Variants in TPH2 observed in about 807,000 individuals in gnomAD.
The protein encoded by TPH2 is tryptophan hydroxylase 2.
TPH2 carries 27 observed loss-of-function variants against 59.1 expected under a neutral mutation model. That is an observed-to-expected ratio of 0.46 (90% confidence interval 0.34 to 0.63). TPH2 has a LOEUF of 0.63. TPH2 is among the 30% of genes least tolerant of loss of function. TPH2 has a pLI of 0.01. For missense variants in TPH2, 523 were observed against 588.3 expected, an observed-to-expected ratio of 0.89 and a Z score of 1.15; for synonymous variants, 220 against 210.5, an observed-to-expected ratio of 1.05 and a Z score of -0.39.
At chr12:72,005,565 T>C (rs1041778313) in intron 8 of TPH2, among the ~76,000 whole-genome samples, 3 of 152,182 alleles carry the variant, frequency 2.0e-5, no homozygotes, top group Non-Finnish European at 2.9e-5. Flanking sequence ...GTTCTGGCAT[T>C]GGAAAAAGGA....
Position 71,941,717 on chromosome 12 carries a change from C to T in TPH2, c.239C>T (p.Ala80Val). 1 of 1,613,992 alleles carries T rather than the reference C, an allele frequency of 6.2e-7. No individual in the cohort carries two copies. Among genetic ancestry groups the T allele is most frequent in the Non-Finnish European group, 8.5e-7 (1 of 1,179,914 alleles). The change falls in exon 2 of 11, where the codon GCA becomes GTA. Residue 80 changes from alanine to valine, a missense_variant. Physicochemically the swap from Ala to Val is moderately conservative, Grantham distance 64 (BLOSUM62 0). Transcript: ENST00000333850. ...AATGAAGTTGGTGGATTGGTAAAAG[C>T]ACTGAGGCTCTTTCAGGTGAATGTG... ...LKNEVGGLVK[A>V]LRLFQEKRVN...
rs146967917 is a variant in TPH2, at chr12:71,944,311, G to A, written c.273G>A (p.Met91Ile). 1.7e-5 allele frequency: 27 copies of A among 1,613,770 alleles called. No homozygotes were observed. The highest frequency in any genetic ancestry group is 2.3e-5 in the Non-Finnish European group (27 of 1,179,800). ...TTCCACAGGAAAAACGTGTCAACAT[G>A]GTTCATATTGAATCCAGGAAATCTC... ...LRLFQEKRVN[M>I]VHIESRKSRR... is the part of the protein sequence containing the mutation. The change falls in exon 3 of 11, where the codon ATG (methionine) becomes ATA (isoleucine). Residue 91 changes from methionine to isoleucine, a missense_variant. Met to Ile is a conservative substitution (Grantham distance 10). Coordinates refer to ENST00000333850, the MANE Select transcript of TPH2 (RefSeq NM_173353.4).
At chr12:71,971,594 C>T (rs1592392717) in intron 5 of TPH2, among the ~76,000 whole-genome samples, 2 of 152,272 alleles carry the variant, frequency 1.3e-5, no homozygotes, top group African/African-American at 4.8e-5. Context: ...CCAGTTTCTC[C>T]TGACTTTCTT....
rs566747274 is a variant in TPH2 at position 71,939,219 on chromosome 12, C to T, written c.105+128C>T. On this transcript the variant is annotated intron_variant, in intron 1 of 10. Transcript: ENST00000333850. ...AAATTTCTCCTTCTTTATAATCTGTCTACCCTGCTTTCCTCCTGTCTGCCT... is the reference window on the plus strand; with the variant it reads ...AAATTTCTCCTTCTTTATAATCTGTTTACCCTGCTTTCCTCCTGTCTGCCT... 41 of 751,624 alleles carry T rather than the reference C, an allele frequency of 5.5e-5. No individual in the cohort carries two copies. The African/African-American group carries it at 6.7e-4, about 12-fold the overall frequency. 46.6% of individuals were successfully genotyped at this position (751,624 alleles called of 1,614,324 possible).
intron 8 of TPH2, among the ~76,000 whole-genome samples, chr12:71,998,832 A>G (rs1872754525): frequency 6.6e-6 from 1 of 152,210 alleles, no homozygotes; most frequent in African/African-American, 2.4e-5. Context: ...AAAAATCTAT[A>G]GAGAGGACAA....
intron 9 of TPH2, among the ~76,000 whole-genome samples, chr12:72,027,061 T>C (rs1213938538): frequency 6.6e-6 from 1 of 152,172 alleles, no homozygotes; most frequent in Non-Finnish European, 1.5e-5. Context: ...CTTGAGTTTT[T>C]TTTTTTTCCA....
intron 9 of TPH2, among the ~76,000 whole-genome samples, chr12:72,022,768 A>G (rs1445139924): frequency 2.0e-5 from 3 of 152,334 alleles, no homozygotes; most frequent in Admixed American, 2.0e-4. Flanking sequence ...CTTGGGTAAC[A>G]AATGGCAGGC....
chr12:71,973,086 A>G (rs1345645905), intron 6 of TPH2, among the ~76,000 whole-genome samples: 1 of 152,214 alleles, frequency 6.6e-6, no homozygotes, highest in Non-Finnish European at 1.5e-5. Context: ...GTACTGAATG[A>G]TGATATTTTA....
intron 7 of TPH2, among the ~76,000 whole-genome samples, chr12:71,986,626 C>CCTT (rs1452942146): frequency 2.8e-5 from 3 of 106,728 alleles, no homozygotes; most frequent in Admixed American, 1.3e-4. Context: ...CTTCAGCCAC[C>CCTT]CTTCTTTTTT....
chr12:71,985,419 G>A (rs980265590), intron 7 of TPH2, among the ~76,000 whole-genome samples: 10 of 152,012 alleles, frequency 6.6e-5, no homozygotes, highest in Non-Finnish European at 1.5e-4. Context: ...TATTTTTTGA[G>A]ACGGAGTCCC....
intron 8 of TPH2, among the ~76,000 whole-genome samples, chr12:72,006,439 G>A (rs965345357): frequency 6.6e-6 from 1 of 152,092 alleles, no homozygotes; most frequent in Non-Finnish European, 1.5e-5. Flanking sequence ...AAACCTCAGG[G>A]GCAAGGGAGG....
At chr12:71,965,197 T>C (rs1411374930) in intron 5 of TPH2, 1 of 152,208 alleles carries the variant, frequency 6.6e-6, no homozygotes, top group East Asian at 1.9e-4. Context: ...GATGGACATG[T>C]AGGTTGATTC....
chr12:72,008,119 C>T (rs567986305), intron 8 of TPH2, among the ~76,000 whole-genome samples: 16 of 152,238 alleles, frequency 1.1e-4, no homozygotes, highest in Admixed American at 9.2e-4. Context: ...TAGAAGAAGG[C>T]GGGCACTCAC....
At chr12:71,947,323 A>G (rs1871223616) in intron 4 of TPH2, among the ~76,000 whole-genome samples, 1 of 151,890 alleles carries the variant, frequency 6.6e-6, no homozygotes, top group African/African-American at 2.4e-5. Flanking sequence ...CTGTTGACCT[A>G]TTTGGGGTAG....
intron 8 of TPH2, among the ~76,000 whole-genome samples, chr12:72,015,382 C>A (rs1003800146): frequency 7.7e-6 from 1 of 129,106 alleles, no homozygotes; most frequent in Admixed American, 9.7e-5. Flanking sequence ...TGCAGTGGTG[C>A]GATCTTGGTT....
intron 5 of TPH2, among the ~76,000 whole-genome samples, chr12:71,972,271 A>G (rs1871994674): frequency 6.6e-6 from 1 of 152,236 alleles, no homozygotes; most frequent in Admixed American, 6.5e-5. Context: ...CATAAATCTT[A>G]TCACATTTCT....
At chr12:71,977,374 A>G (rs889063574) in intron 6 of TPH2, among the ~76,000 whole-genome samples, 1 of 152,118 alleles carries the variant, frequency 6.6e-6, no homozygotes, top group African/African-American at 2.4e-5. Context: ...GATTTAATGA[A>G]CTGCATGAGG....
Position 71,941,740 on chromosome 12 carries a change from G to A in TPH2, c.255+7G>A. The A allele has an allele frequency of 6.2e-7, 1 of 1,613,388 alleles. No individual in the cohort carries two copies. Among genetic ancestry groups the A allele is most frequent in the Non-Finnish European group, 8.5e-7 (1 of 1,179,352 alleles). Reference sequence around the variant, plus strand: ...AGCACTGAGGCTCTTTCAGGTGAATGTGAAATATCATTACATAATTTTAAA... The same window carrying A: ...AGCACTGAGGCTCTTTCAGGTGAATATGAAATATCATTACATAATTTTAAA... On this transcript the variant is annotated splice_region_variant and intron_variant, in intron 2 of 10. Coordinates refer to ENST00000333850, the MANE Select transcript of TPH2 (RefSeq NM_173353.4).
chr12:72,004,701 G>T (rs907278554), intron 8 of TPH2, among the ~76,000 whole-genome samples: 2 of 152,182 alleles, frequency 1.3e-5, no homozygotes, highest in Admixed American at 1.3e-4. Flanking sequence ...TATCTGTGGT[G>T]TAATTCCATT....
Sources: allele counts gnomAD v4.1 joint callset (sites outside exome capture counted in the v4.1 genomes callset), GRCh38; gene constraint gnomAD v4.1.1; transcripts MANE v1.5; gene names NCBI Gene and HGNC (gene_info 2026-07-23, HGNC 2026-07-21).